Variants in SAP130 observed in about 807,000 individuals in gnomAD.
The protein encoded by SAP130 is histone deacetylase complex subunit SAP130.
SAP130 carries 16 observed loss-of-function variants against 103.2 expected under a neutral mutation model. The ratio of observed to expected loss-of-function variants is 0.16; its 90% confidence interval spans 0.10 to 0.24. The LOEUF is 0.24. Among genes scored for constraint, SAP130 ranks in the 10% least tolerant of loss-of-function variants. The probability of loss-of-function intolerance (pLI) is 1.00; values close to 1 mark genes in which losing one functional copy is unlikely to be tolerated. For missense variants in SAP130, 990 were observed against 1,359.7 expected, an observed-to-expected ratio of 0.73 and a Z score of 4.28; for synonymous variants, 477 against 497.0, an observed-to-expected ratio of 0.96 and a Z score of 0.53.
intron 2 of SAP130, among the ~76,000 whole-genome samples, chr2:128,018,773 G>C (rs1279296370): frequency 6.6e-6 from 1 of 150,530 alleles, no homozygotes; most frequent in East Asian, 1.9e-4. Flanking sequence ...CTCCAGCTTG[G>C]ATGACACAGT....
rs1402487044 is a variant in SAP130, at chr2:128,000,159, C to T, written c.1018-13G>A. The T allele has an allele frequency of 6.2e-7, 1 of 1,613,422 alleles. No individual in the cohort carries two copies. Among genetic ancestry groups the T allele is most frequent in the African/African-American group, 1.3e-5 (1 of 74,898 alleles). On this transcript the variant is annotated splice_polypyrimidine_tract_variant and intron_variant, in intron 8 of 20. Coordinates refer to ENST00000643581, the MANE Select transcript of SAP130 (RefSeq NM_001330301.2). Reference sequence around the variant, plus strand: ...TGAAGATTGTTTTCTGTGAGGGAAACCCCACAACACAGTTATAAGAACATT... The same window carrying T: ...TGAAGATTGTTTTCTGTGAGGGAAATCCCACAACACAGTTATAAGAACATT...
intron 13 of SAP130, among the ~76,000 whole-genome samples, chr2:127,987,776 T>G (rs1682504533): frequency 2.0e-5 from 3 of 152,132 alleles, no homozygotes; most frequent in Admixed American, 1.3e-4. Flanking sequence ...AATACCAATC[T>G]CTCTCAACCC....
At chr2:128,024,801 C>A (rs1685391359) in intron 2 of SAP130, among the ~76,000 whole-genome samples, 1 of 151,570 alleles carries the variant, frequency 6.6e-6, no homozygotes, top group South Asian at 2.1e-4. Flanking sequence ...ATCACTTAAA[C>A]CCAGGAGGCA....
chr2:127,982,680 T>C (rs890460908), intron 14 of SAP130, among the ~76,000 whole-genome samples: 1 of 152,238 alleles, frequency 6.6e-6, no homozygotes, highest in Non-Finnish European at 1.5e-5. Context: ...CTTTCCCTGC[T>C]GCAATTTGCT....
chr2:128,012,932 A>T, intron 6 of SAP130, 98 bp downstream of exon 6: 1 of 1,218,366 alleles, frequency 8.2e-7, no homozygotes. Flanking sequence ...ATGTCTTGGC[A>T]ACTAGATGGA....
intron 1 of SAP130, chr2:128,027,232 T>G: frequency 8.4e-7 from 1 of 1,193,746 alleles, no homozygotes; most frequent in Non-Finnish European, 1.0e-6. Context: ...GGCCCGCTGC[T>G]GTCCAGCCCC....
At chr2:127,985,175 T>G (rs771140291) in intron 14 of SAP130, among the ~76,000 whole-genome samples, 11 of 152,246 alleles carry the variant, frequency 7.2e-5, no homozygotes, top group Admixed American at 1.3e-4. Flanking sequence ...TATATAGGGT[T>G]ATGAGACAGA....
intron 18 of SAP130, among the ~76,000 whole-genome samples, chr2:127,948,466 A>C (rs1367315773): frequency 6.7e-6 from 1 of 149,908 alleles, no homozygotes. Flanking sequence ...CAGCCTCCTG[A>C]GTAGCTGGGA....
At chr2:128,003,881 T>C (rs1573802546) in intron 7 of SAP130, among the ~76,000 whole-genome samples, 1 of 150,804 alleles carries the variant, frequency 6.6e-6, no homozygotes, top group East Asian at 2.0e-4. Context: ...GTCATGGCAG[T>C]GCTCAGTTTC....
intron 18 of SAP130, among the ~76,000 whole-genome samples, chr2:127,947,368 C>A (rs1405097740): frequency 1.3e-5 from 2 of 152,144 alleles, no homozygotes; most frequent in Non-Finnish European, 2.9e-5. Context: ...AAATGTTGAA[C>A]CAGCTTTGCA....
At chr2:127,962,276 T>C (rs1044342262) in intron 15 of SAP130, among the ~76,000 whole-genome samples, 2 of 152,206 alleles carry the variant, frequency 1.3e-5, no homozygotes, top group African/African-American at 4.8e-5. Flanking sequence ...AAAGCATCAT[T>C]CCACATGTTA....
rs990280438 is a variant in SAP130, at chr2:127,953,454, G to C, written c.2422+1532C>G. Among the ~76,000 whole-genome samples the C allele has an allele frequency of 5.9e-5, 9 of 152,074 alleles. No homozygotes were observed. Among genetic ancestry groups the C allele is most frequent in the African/African-American group, 9.7e-5 (4 of 41,402 alleles). On this transcript the variant is annotated intron_variant, in intron 16 of 20. Coordinates refer to ENST00000643581, the MANE Select transcript of SAP130 (RefSeq NM_001330301.2). The surrounding 1 kb of genome is among the most constrained non-coding windows in gnomAD (Gnocchi z 4.0). ...CCAGAGTGTTTATCTTCAGTCCTAA[G>C]TGAGTGCTTGGCACTGCTCTGCTCA...
At chr2:128,025,800 A>G (rs1327821105) in intron 2 of SAP130, among the ~76,000 whole-genome samples, 1 of 152,170 alleles carries the variant, frequency 6.6e-6, no homozygotes, top group East Asian at 1.9e-4. Flanking sequence ...GGGAAACCGC[A>G]TATCCTTTGT....
intron 7 of SAP130, among the ~76,000 whole-genome samples, chr2:128,001,611 C>T (rs1248864474): frequency 6.6e-6 from 1 of 152,106 alleles, no homozygotes; most frequent in Non-Finnish European, 1.5e-5. Flanking sequence ...TTTAGATATA[C>T]AAATACCATA....
intron 12 of SAP130, among the ~76,000 whole-genome samples, chr2:127,992,285 CT>C (rs747417050): frequency 4.9e-3 from 609 of 123,238 alleles, no homozygotes; most frequent in Middle Eastern, 0.013. Context: ...GGCAATAAGG[CT>C]TTTTTTTTTT....
At chr2:128,011,103 T>A (rs1684361379) in intron 6 of SAP130, among the ~76,000 whole-genome samples, 1 of 152,242 alleles carries the variant, frequency 6.6e-6, no homozygotes, top group South Asian at 2.1e-4. Flanking sequence ...GGTCCTGGTG[T>A]AGACATTTTA....
At chr2:127,958,867 C>G (rs1344641046) in intron 15 of SAP130, among the ~76,000 whole-genome samples, 3 of 152,112 alleles carry the variant, frequency 2.0e-5, no homozygotes, top group Non-Finnish European at 4.4e-5. Flanking sequence ...CCATATTGAC[C>G]AGGCTGGTCT....
Position 127,999,841 on chromosome 2 carries a change from A to C in SAP130, c.1113T>G (p.Ser371=), listed in dbSNP as rs772726549. The C allele has an allele frequency of 6.5e-7, 1 of 1,530,838 alleles. No individual in the cohort carries two copies. Among genetic ancestry groups the C allele is most frequent in the South Asian group, 1.3e-5 (1 of 76,362 alleles). 94.8% of individuals were successfully genotyped at this position (1,530,838 alleles called of 1,614,324 possible). Reference sequence around the variant, plus strand: ...TTGTGGGAGCTTGCGTGTGTGACACAGATCCTGAAATAGGGGAAAAAAGGA... The same window carrying C: ...TTGTGGGAGCTTGCGTGTGTGACACCGATCCTGAAATAGGGGAAAAAAGGA... ...NTIPSATTAG[S]VSHTQAPTST... The change falls in exon 10 of 21, where the codon TCT becomes TCG. Residue 371 remains serine (S), a synonymous_variant. Coordinates refer to ENST00000643581, the MANE Select transcript of SAP130 (RefSeq NM_001330301.2).
chr2:128,021,590 A>T (rs1373629870), intron 2 of SAP130, among the ~76,000 whole-genome samples: 1 of 152,234 alleles, frequency 6.6e-6, no homozygotes, highest in Non-Finnish European at 1.5e-5. Context: ...GGAATAGATT[A>T]CATAGAATAC....
Sources: allele counts gnomAD v4.1 joint callset (sites outside exome capture counted in the v4.1 genomes callset), GRCh38; gene constraint gnomAD v4.1.1; non-coding constraint Gnocchi (gnomAD v3.1); transcripts MANE v1.5; gene names NCBI Gene and HGNC (gene_info 2026-07-23, HGNC 2026-07-21).